DDAH1: variants seen among roughly 807,000 people sequenced by gnomAD.
The protein encoded by DDAH1 is N(G),N(G)-dimethylarginine dimethylaminohydrolase 1.
Under a neutral mutation model 28.8 loss-of-function variants are expected in DDAH1, and 19 were observed. The ratio of observed to expected loss-of-function variants is 0.66; its 90% CI spans 0.46 to 0.97. The LOEUF (loss-of-function observed/expected upper bound fraction) is 0.97, where lower values mean the gene tolerates loss of function less well. Ranked by LOEUF, DDAH1 falls within the 50% of genes least tolerant of loss-of-function variation. The probability of loss-of-function intolerance (pLI) is 0.00; values close to 1 mark genes in which losing one functional copy is unlikely to be tolerated. For synonymous variants in DDAH1, 153 were observed against 154.4 expected, an observed-to-expected ratio of 0.99 and a Z score of 0.07; for missense variants, 326 against 375.9, an observed-to-expected ratio of 0.87 and a Z score of 1.10.
chr1:85,400,116 C>A (rs1651997456), intron 1 of DDAH1, among the ~76,000 whole-genome samples: 1 of 151,474 alleles, frequency 6.6e-6, no homozygotes, highest in Non-Finnish European at 1.5e-5. Context: ...CAAAAACAAT[C>A]AGGGAGGAAT....
At chr1:85,439,453 A>G (rs591917) in intron 1 of DDAH1, among the ~76,000 whole-genome samples, 45,342 of 152,156 alleles carry the variant, frequency 0.3, 6,814 homozygotes, top group East Asian at 0.35. Context: ...GGGGGCTACA[A>G]AGCTGTGAAA....
intron 1 of DDAH1, among the ~76,000 whole-genome samples, chr1:85,463,219 G>A (rs1022934232): frequency 1.3e-5 from 2 of 152,200 alleles, no homozygotes; most frequent in African/African-American, 4.8e-5. Flanking sequence ...AGGGGAAAAA[G>A]ATCACTGCTC....
chr1:85,553,837 A>G (rs776966939), intron 1 of DDAH1, among the ~76,000 whole-genome samples: 19 of 152,278 alleles, frequency 1.2e-4, no homozygotes, highest in Non-Finnish European at 2.4e-4. Context: ...CTTCCTTCTG[A>G]AACATTGTAG....
At chr1:85,427,570 A>G (rs1397926769) in intron 1 of DDAH1, among the ~76,000 whole-genome samples, 4 of 152,212 alleles carry the variant, frequency 2.6e-5, no homozygotes, top group Admixed American at 2.6e-4. Flanking sequence ...GTCTATGCAG[A>G]GCCAGCTCAA....
At chr1:85,520,399 G>A (rs1657640670) in intron 1 of DDAH1, among the ~76,000 whole-genome samples, 1 of 152,174 alleles carries the variant, frequency 6.6e-6, no homozygotes, top group African/African-American at 2.4e-5. Flanking sequence ...TGGAACTAGG[G>A]CAGACAGGGA....
At chr1:85,501,843 C>T (rs1656833775) in intron 1 of DDAH1, among the ~76,000 whole-genome samples, 2 of 152,172 alleles carry the variant, frequency 1.3e-5, no homozygotes, top group African/African-American at 4.8e-5. Context: ...AAGCCAGAAG[C>T]AGAAGTCCTT....
chr1:85,323,481 C>T (rs1174157937), intron 5 of DDAH1, among the ~76,000 whole-genome samples: 1 of 152,198 alleles, frequency 6.6e-6, no homozygotes, highest in Non-Finnish European at 1.5e-5. Context: ...AAAAGCATTC[C>T]AGATCCAGAG....
At chr1:85,356,575 G>A (rs934395192) in intron 2 of DDAH1, among the ~76,000 whole-genome samples, 2 of 152,160 alleles carry the variant, frequency 1.3e-5, no homozygotes, top group African/African-American at 4.8e-5. Flanking sequence ...AAATAAAAGA[G>A]ATGAAGAAAA....
At chr1:85,456,645 C>G (rs766195575) in intron 1 of DDAH1, among the ~76,000 whole-genome samples, 14 of 152,220 alleles carry the variant, frequency 9.2e-5, no homozygotes, top group Non-Finnish European at 1.5e-4. Context: ...CGGTAGGTTA[C>G]AAGTATTAAG....
At chr1:85,345,245 G>A (rs1648770770) in intron 4 of DDAH1, among the ~76,000 whole-genome samples, 1 of 151,926 alleles carries the variant, frequency 6.6e-6, no homozygotes, top group African/African-American at 2.4e-5. Flanking sequence ...AGTAACTGGA[G>A]TACTCATCTT....
chr1:85,443,595 T>C (rs1378507481), intron 1 of DDAH1, among the ~76,000 whole-genome samples: 1 of 152,208 alleles, frequency 6.6e-6, no homozygotes, highest in African/African-American at 2.4e-5. Context: ...GGGATGGCAT[T>C]GAATCTATAA....
intron 1 of DDAH1, among the ~76,000 whole-genome samples, chr1:85,426,844 T>G (rs1653414789): frequency 7.1e-6 from 1 of 141,184 alleles, no homozygotes; most frequent in Non-Finnish European, 1.5e-5. Context: ...CCCAGGAGTT[T>G]GAGGCTGCAG....
At chr1:85,475,856 G>T (rs1426124998) in intron 2 of DDAH1, among the ~76,000 whole-genome samples, 1 of 152,044 alleles carries the variant, frequency 6.6e-6, no homozygotes, top group African/African-American at 2.4e-5. Flanking sequence ...TTTGTTTTTG[G>T]TTTTGGTTTT....
chr1:85,561,523 C>T (rs1659140713), intron 1 of DDAH1, among the ~76,000 whole-genome samples: 1 of 152,050 alleles, frequency 6.6e-6, no homozygotes, highest in African/African-American at 2.4e-5. Flanking sequence ...CTCTGGGCCT[C>T]ATTTACTCAT....
chr1:85,569,484 G>A (rs1412543978), intron 1 of DDAH1, among the ~76,000 whole-genome samples: 3 of 152,202 alleles, frequency 2.0e-5, no homozygotes, highest in Non-Finnish European at 4.4e-5. Context: ...ACTGCATTTG[G>A]TTCCAGGTGG....
At chr1:85,442,672 A>G (rs1654254074) in intron 1 of DDAH1, among the ~76,000 whole-genome samples, 1 of 152,154 alleles carries the variant, frequency 6.6e-6, no homozygotes, top group Admixed American at 6.5e-5. Context: ...CTATTTCTCC[A>G]CATCCTCTCC....
At chr1:85,390,723 C>T (rs2100553767) in intron 1 of DDAH1, among the ~76,000 whole-genome samples, 1 of 152,260 alleles carries the variant, frequency 6.6e-6, no homozygotes, top group Admixed American at 6.5e-5. Context: ...GAGCCAAAGC[C>T]ATCCTAGCTC....
chr1:85,338,716 G>A (rs895319778), intron 4 of DDAH1, among the ~76,000 whole-genome samples: 3 of 152,104 alleles, frequency 2.0e-5, no homozygotes, highest in Non-Finnish European at 4.4e-5. Flanking sequence ...GTACATTAAA[G>A]TTTGAGGACC....
intron 1 of DDAH1, among the ~76,000 whole-genome samples, chr1:85,412,778 A>G (rs879940166): frequency 3.3e-5 from 5 of 152,220 alleles, no homozygotes; most frequent in Non-Finnish European, 7.3e-5. Context: ...AGACAGGCAC[A>G]TTGCTTGAGC....
Sources: gnomAD v4.1 joint callset for allele counts (sites outside exome capture counted in the v4.1 genomes callset) on GRCh38, gnomAD v4.1.1 for gene constraint, MANE v1.5 for transcripts, NCBI Gene and HGNC (gene_info 2026-07-23, HGNC 2026-07-21) for gene names.